The following EPB41L5 variants were observed in gnomAD, a reference collection of about 807,000 sequenced individuals.
EPB41L5 encodes the protein band 4.1-like protein 5.
EPB41L5 carries 55 observed loss-of-function variants against 106.6 expected under a neutral mutation model. The ratio of observed to expected loss-of-function variants is 0.52; its 90% CI spans 0.42 to 0.65. The LOEUF (loss-of-function observed/expected upper bound fraction) is 0.65. Among genes scored for constraint, EPB41L5 ranks in the 30% least tolerant of loss-of-function variants. EPB41L5 has a pLI of 0.00. For synonymous variants in EPB41L5, 297 were observed against 306.7 expected, an observed-to-expected ratio of 0.97 and a Z score of 0.33; for missense variants, 871 against 882.1, an observed-to-expected ratio of 0.99 and a Z score of 0.16.
Position 120,179,007 on chromosome 2 carries a change from G to C in EPB41L5, c.*4100G>C, listed in dbSNP as rs1688009990. 6.6e-6 allele frequency: 1 copy of C among 152,176 alleles called. No individual in the cohort carries two copies. Among genetic ancestry groups the C allele is most frequent in the South Asian group, 2.1e-4 (1 of 4,830 alleles). 9.4% of individuals were successfully genotyped at this position (152,176 alleles called of 1,614,324 possible). On this transcript the variant is annotated 3_prime_UTR_variant, in exon 25 of 25. Transcript: ENST00000263713. Reference sequence around the variant, plus strand: ...TTCTATCAAGTGCACTATTCATTTAGTGTGTTCCAGTTTTATATGACTTGT... The same window carrying C: ...TTCTATCAAGTGCACTATTCATTTACTGTGTTCCAGTTTTATATGACTTGT...
At chr2:120,049,928 A>G (rs919737578) in intron 3 of EPB41L5, among the ~76,000 whole-genome samples, 3 of 152,138 alleles carry the variant, frequency 2.0e-5, no homozygotes, top group African/African-American at 7.2e-5. Context: ...TATGAAGCTT[A>G]GTTTGGCTGG....
At chr2:120,131,908 C>T (rs893164356) in intron 18 of EPB41L5, among the ~76,000 whole-genome samples, 193 bp downstream of exon 18, 6 of 151,530 alleles carry the variant, frequency 4.0e-5, no homozygotes, top group African/African-American at 1.5e-4. Flanking sequence ...ACTTGCACAG[C>T]AAAGTGAATT....
chr2:120,043,407 C>T (rs897508302), intron 3 of EPB41L5, among the ~76,000 whole-genome samples: 11 of 151,768 alleles, frequency 7.2e-5, no homozygotes, highest in East Asian at 1.9e-4. Flanking sequence ...TGGGCCTGGG[C>T]ATGGTGGCGT....
In EPB41L5 at chr2:120,146,252, C is replaced by A; in HGVS notation, c.1756C>A (p.His586Asn). 1 of 1,608,778 alleles carries A rather than the reference C, an allele frequency of 6.2e-7. No individual in the cohort carries two copies. The highest frequency in any genetic ancestry group is 1.1e-5 in the South Asian group (1 of 90,840). The stretch of plus-strand genomic sequence containing the variant: ...TACAAAAGAAGATAGCTTATTAAGT[C>A]ATAAAAATGCCAATGTTCAGGATGC... Reference protein sequence around the residue: ...KVTKEDSLLSHKNANVQDAAT... With the variant: ...KVTKEDSLLSNKNANVQDAAT... Residue 586 changes from histidine to asparagine, a missense_variant, in exon 20 of 25, where the codon CAT becomes AAT. Coordinates refer to ENST00000263713, the MANE Select transcript of EPB41L5 (RefSeq NM_020909.4).
intron 2 of EPB41L5, among the ~76,000 whole-genome samples, chr2:120,027,271 A>T (rs1678391621): frequency 6.6e-6 from 1 of 152,238 alleles, no homozygotes; most frequent in African/African-American, 2.4e-5. Flanking sequence ...CATAATAGTT[A>T]AAAAGTAGAA....
chr2:120,040,133 C>T (rs1206151209), intron 2 of EPB41L5, among the ~76,000 whole-genome samples: 1 of 151,448 alleles, frequency 6.6e-6, no homozygotes, highest in Non-Finnish European at 1.5e-5. Context: ...AAGATGGCAG[C>T]ACTGACGTAG....
intron 13 of EPB41L5, among the ~76,000 whole-genome samples, chr2:120,092,341 A>G (rs1683478669): frequency 6.6e-6 from 1 of 151,982 alleles, no homozygotes; most frequent in Non-Finnish European, 1.5e-5. Context: ...CTTGTGATGA[A>G]TTTTTTTTAA....
chr2:120,034,050 C>G (rs964461885), intron 2 of EPB41L5, among the ~76,000 whole-genome samples: 25 of 152,250 alleles, frequency 1.6e-4, no homozygotes, highest in African/African-American at 5.8e-4. Flanking sequence ...GAGCCAAGAT[C>G]CCACCACTGC....
chr2:120,095,631 G>T (rs1218322822), intron 14 of EPB41L5, among the ~76,000 whole-genome samples: 1 of 151,586 alleles, frequency 6.6e-6, no homozygotes, highest in Non-Finnish European at 1.5e-5. Context: ...CCATTCTGAA[G>T]GTCTTGCTTC....
chr2:120,167,776 T>G (rs1221933072), intron 23 of EPB41L5, 101 bp from the exon 24 acceptor site: 3 of 1,392,158 alleles, frequency 2.2e-6, no homozygotes, highest in Non-Finnish European at 3.0e-6. Context: ...AAAACCATCT[T>G]CGTTAATCTC....
chr2:120,083,837 C>G (rs1287680477), intron 10 of EPB41L5, among the ~76,000 whole-genome samples: 1 of 152,188 alleles, frequency 6.6e-6, no homozygotes, highest in East Asian at 1.9e-4. Context: ...TTGAATTGAT[C>G]TCTTTACCAT....
chr2:120,083,905 A>G (rs1682872818), intron 10 of EPB41L5, among the ~76,000 whole-genome samples: 1 of 152,162 alleles, frequency 6.6e-6, no homozygotes, highest in Admixed American at 6.5e-5. Flanking sequence ...CTGTTTTATC[A>G]GAGACTAGGA....
At chr2:120,145,761 C>T (rs1213815820) in intron 19 of EPB41L5, among the ~76,000 whole-genome samples, 2 of 152,104 alleles carry the variant, frequency 1.3e-5, no homozygotes, top group East Asian at 3.9e-4. Flanking sequence ...GACTGACCTA[C>T]ATGGTGAAAC....
chr2:120,046,275 A>G (rs1679769220), intron 3 of EPB41L5, among the ~76,000 whole-genome samples: 1 of 152,184 alleles, frequency 6.6e-6, no homozygotes, highest in South Asian at 2.1e-4. Context: ...TCCCACCAAC[A>G]GTGTAAAATT....
At chr2:120,020,241 G>A (rs1677830357) in intron 2 of EPB41L5, among the ~76,000 whole-genome samples, 1 of 152,118 alleles carries the variant, frequency 6.6e-6, no homozygotes, top group African/African-American at 2.4e-5. Flanking sequence ...GTCTCTTTGG[G>A]CAAAGTGATA....
chr2:120,083,485 T>G (rs908492902), intron 10 of EPB41L5, among the ~76,000 whole-genome samples: 1 of 152,208 alleles, frequency 6.6e-6, no homozygotes, highest in Non-Finnish European at 1.5e-5. Flanking sequence ...TTATAATTTC[T>G]GTTCTTTTAC....
intron 20 of EPB41L5, among the ~76,000 whole-genome samples, chr2:120,151,212 A>G (rs1686656018): frequency 6.6e-6 from 1 of 152,020 alleles, no homozygotes; most frequent in East Asian, 1.9e-4. Context: ...AGGCAGGAGA[A>G]TGGCGTGAAC....
intron 18 of EPB41L5, among the ~76,000 whole-genome samples, chr2:120,139,979 T>C (rs1022796185): frequency 1.3e-5 from 2 of 152,068 alleles, no homozygotes; most frequent in African/African-American, 4.8e-5. Flanking sequence ...GAAGTACTAT[T>C]CGGCCATAAA....
At chr2:120,169,917 T>C (rs1687596835) in intron 24 of EPB41L5, among the ~76,000 whole-genome samples, 1 of 152,142 alleles carries the variant, frequency 6.6e-6, no homozygotes, top group Non-Finnish European at 1.5e-5. Flanking sequence ...CAAGTTTTGG[T>C]GAAGATATGG....
Sources: allele counts gnomAD v4.1 joint callset (sites outside exome capture counted in the v4.1 genomes callset), GRCh38; gene constraint gnomAD v4.1.1; transcripts MANE v1.5; gene names NCBI Gene and HGNC (gene_info 2026-07-23, HGNC 2026-07-21).